The following LRRC7 variants were observed in gnomAD, a reference collection of about 807,000 sequenced individuals.
The protein encoded by LRRC7 is leucine-rich repeat-containing protein 7.
Under a neutral mutation model 175.7 loss-of-function variants are expected in LRRC7, and 23 were observed. That is an observed-to-expected ratio of 0.13 (90% CI 0.09 to 0.19). LRRC7 has a LOEUF of 0.19. LRRC7 is among the 10% of genes least tolerant of loss of function. The pLI, the probability that LRRC7 is intolerant of heterozygous loss-of-function variation, is 1.00. For synonymous variants in LRRC7, 685 were observed against 680.9 expected, an observed-to-expected ratio of 1.01 and a Z score of -0.09; for missense variants, 1,354 against 1,904.7, an observed-to-expected ratio of 0.71 and a Z score of 5.38.
At chr1:69,939,037 A>ATATCTATCTATC (rs1557911154) in intron 8 of LRRC7, among the ~76,000 whole-genome samples, 9 of 80,956 alleles carry the variant, frequency 1.1e-4, no homozygotes, top group African/African-American at 3.1e-4. Flanking sequence ...ATATCTATAT[A>ATATCTATCTATC]TATCTATATC....
At chr1:69,596,084 G>A (rs1227865290) in intron 1 of LRRC7, among the ~76,000 whole-genome samples, 1 of 151,954 alleles carries the variant, frequency 6.6e-6, no homozygotes, top group Non-Finnish European at 1.5e-5. Flanking sequence ...GTCTGCATCT[G>A]CAGAAGGACT....
intron 2 of LRRC7, among the ~76,000 whole-genome samples, chr1:69,711,474 C>T (rs1570456349): frequency 6.6e-6 from 1 of 152,140 alleles, no homozygotes; most frequent in Non-Finnish European, 1.5e-5. Flanking sequence ...CATTTCAAAT[C>T]CCCTGAATTT....
chr1:70,131,891 A>G lies in LRRC7; in HGVS notation c.*10004A>G, dbSNP rs563685877. ...GACATTATCTTAGGATAGTAAGAAT[A>G]TTTTAGAATAGTAAGAGTACTTTAA... On this transcript the variant is annotated 3_prime_UTR_variant, in exon 27 of 27. Coordinates refer to ENST00000651989, the MANE Select transcript of LRRC7 (RefSeq NM_001370785.2). Among the ~76,000 whole-genome samples the G allele has an allele frequency of 5.9e-5, 9 of 152,346 alleles. No individual in the cohort carries two copies. In the South Asian group the frequency reaches 1.7e-3, roughly 28 times the overall value.
At chr1:69,977,632 T>C (rs1397547910) in intron 8 of LRRC7, among the ~76,000 whole-genome samples, 1 of 152,170 alleles carries the variant, frequency 6.6e-6, no homozygotes, top group African/African-American at 2.4e-5. Context: ...GGTGAGGCCA[T>C]ATAAATAGTT....
chr1:69,974,282 A>G (rs990675518), intron 8 of LRRC7, among the ~76,000 whole-genome samples: 1 of 152,200 alleles, frequency 6.6e-6, no homozygotes, highest in African/African-American at 2.4e-5. Flanking sequence ...GTTGTGACCA[A>G]CTTTTTAATA....
intron 7 of LRRC7, among the ~76,000 whole-genome samples, chr1:69,844,873 A>T (rs1340662645): frequency 6.6e-6 from 1 of 152,182 alleles, no homozygotes; most frequent in Admixed American, 6.6e-5. Context: ...TTCCTTAAAA[A>T]TAAAGATAAA....
intron 3 of LRRC7, among the ~76,000 whole-genome samples, chr1:69,768,076 CAG>C (rs1419981821): frequency 1.3e-5 from 2 of 152,136 alleles, no homozygotes; most frequent in Admixed American, 1.3e-4. Flanking sequence ...ATAAAGCAGT[CAG>C]GGATTTATCA....
At chr1:69,994,815 A>G (rs1275596821) in intron 11 of LRRC7, among the ~76,000 whole-genome samples, 182 bp downstream of exon 11, 1 of 152,106 alleles carries the variant, frequency 6.6e-6, no homozygotes, top group Non-Finnish European at 1.5e-5. Flanking sequence ...ATATCTAAAC[A>G]TTGCATTTGA....
At position 70,036,579 on chromosome 1, in the gene LRRC7, A is replaced by G. The variant is rs770329377; in HGVS notation, c.2243A>G (p.Gln748Arg). 6.2e-7 allele frequency: 1 copy of G among 1,614,090 alleles called. No homozygotes were observed. The highest frequency in any genetic ancestry group is 8.5e-7 in the Non-Finnish European group (1 of 1,179,946). Reference sequence around the variant, plus strand: ...ACCCGGGTTAAAGTGGGGTCCTTGCAGACAACAGCTAAAGATGCAGTACAT... The same window carrying G: ...ACCCGGGTTAAAGTGGGGTCCTTGCGGACAACAGCTAAAGATGCAGTACAT... ...SNTRVKVGSL[Q>R]TTAKDAVHNS... Residue 748 changes from glutamine (Q) to arginine (R), a missense_variant, in exon 20 of 27, where the codon CAG (glutamine) becomes CGG (arginine). This residue lies in a region of LRRC7 where 1,032 missense variants were observed against 1,227.2 expected (regional missense o/e 0.84). Coordinates refer to ENST00000651989, the MANE Select transcript of LRRC7 (RefSeq NM_001370785.2).
intron 7 of LRRC7, among the ~76,000 whole-genome samples, chr1:69,858,243 A>T (rs1683936934): frequency 6.6e-6 from 1 of 152,192 alleles, no homozygotes; most frequent in Non-Finnish European, 1.5e-5. Flanking sequence ...ATGGCAACAA[A>T]AGCCAAAATT....
chr1:69,908,077 A>G (rs997506530), intron 7 of LRRC7, among the ~76,000 whole-genome samples: 2 of 152,126 alleles, frequency 1.3e-5, no homozygotes, highest in Non-Finnish European at 2.9e-5. Flanking sequence ...CTCTGATGGT[A>G]ATTTGTATTT....
At chr1:70,015,251 AT>A (rs1480946613) in intron 13 of LRRC7, among the ~76,000 whole-genome samples, 3 of 151,806 alleles carry the variant, frequency 2.0e-5, no homozygotes, top group African/African-American at 7.3e-5. Flanking sequence ...AGGTTACTAT[AT>A]TTTTTCTAAA....
At chr1:69,767,250 C>A (rs558797110) in intron 3 of LRRC7, among the ~76,000 whole-genome samples, 2 of 151,862 alleles carry the variant, frequency 1.3e-5, no homozygotes, top group Admixed American at 1.3e-4. Flanking sequence ...ATGATTATAC[C>A]GTATGTCATT....
At chr1:69,662,641 C>G (rs1262170305) in intron 1 of LRRC7, among the ~76,000 whole-genome samples, 2 of 152,200 alleles carry the variant, frequency 1.3e-5, no homozygotes, top group African/African-American at 4.8e-5. Context: ...TCACACTAAT[C>G]TTGCCATTAA....
chr1:69,637,665 C>A (rs1323550998), intron 1 of LRRC7, among the ~76,000 whole-genome samples: 1 of 151,878 alleles, frequency 6.6e-6, no homozygotes, highest in Non-Finnish European at 1.5e-5. Flanking sequence ...CCTTTCTTTT[C>A]TTTCATGACT....
intron 23 of LRRC7, among the ~76,000 whole-genome samples, chr1:70,070,803 A>G (rs1662325422): frequency 6.6e-6 from 1 of 152,140 alleles, no homozygotes; most frequent in Admixed American, 6.5e-5. Context: ...TTGACTCTCT[A>G]CTAGGCCTTC....
chr1:69,667,524 T>C lies in LRRC7; in HGVS notation c.3-10857T>C, dbSNP rs550416931. Reference sequence around the variant, plus strand: ...GTATTTATTTAAAATTGTTATATTCTCTTGCTGAATTCATCCCTTTATCAT... The same window carrying C: ...GTATTTATTTAAAATTGTTATATTCCCTTGCTGAATTCATCCCTTTATCAT... On this transcript the variant is annotated intron_variant, in intron 1 of 26. Coordinates refer to ENST00000651989, the MANE Select transcript of LRRC7 (RefSeq NM_001370785.2). Among the ~76,000 whole-genome samples, 343 of 152,306 alleles carry C rather than the reference T, an allele frequency of 2.3e-3. 1 individual carries two copies. The highest frequency in any genetic ancestry group is 7.7e-3 in the African/African-American group (322 of 41,566).
Position 69,659,000 on chromosome 1 carries a change from T to C in LRRC7, c.3-19381T>C, listed in dbSNP as rs546954177. Among the ~76,000 whole-genome samples the C allele has an allele frequency of 2.6e-5, 4 of 152,086 alleles. No homozygotes were observed. In the East Asian group the frequency reaches 7.7e-4, roughly 29 times the overall value. On this transcript the variant is annotated intron_variant, in intron 1 of 26. Coordinates refer to ENST00000651989, the MANE Select transcript of LRRC7 (RefSeq NM_001370785.2). ...AGGAGAGGTTACAAGAAATTGGAGG[T>C]AGCTGTAATTGGAGCTATAGGATAG... is the stretch of plus-strand genomic sequence containing the variant.
At chr1:69,689,329 A>T (rs1328171175) in intron 2 of LRRC7, among the ~76,000 whole-genome samples, 1 of 152,192 alleles carries the variant, frequency 6.6e-6, no homozygotes, top group African/African-American at 2.4e-5. Flanking sequence ...AAGCTGAGAT[A>T]TAAACCTAAG....
Sources: allele counts gnomAD v4.1 joint callset (sites outside exome capture counted in the v4.1 genomes callset), GRCh38; gene constraint gnomAD v4.1.1; regional missense constraint gnomAD v4.1.1; transcripts MANE v1.5; gene names NCBI Gene and HGNC (gene_info 2026-07-23, HGNC 2026-07-21).